FIG4: variants seen among roughly 807,000 people sequenced by gnomAD.
The protein encoded by FIG4 is FIG4 phosphoinositide 5-phosphatase, also known as polyphosphoinositide phosphatase.
A neutral mutation model predicts 118.6 loss-of-function variants in FIG4; 112 were observed. The observed-to-expected ratio is 0.94, with a 90% CI of 0.81 to 1.11. The LOEUF is 1.11. FIG4 is among the 50% of genes least tolerant of loss of function. The probability of loss-of-function intolerance (pLI) is 0.00; values close to 1 mark genes in which losing one functional copy is unlikely to be tolerated. For missense variants in FIG4, 969 were observed against 1,111.7 expected, an observed-to-expected ratio of 0.87 and a Z score of 1.83; for synonymous variants, 369 against 381.2, an observed-to-expected ratio of 0.97 and a Z score of 0.37.
At chr6:109,801,054 T>C (rs1035789647) in intron 22 of FIG4, among the ~76,000 whole-genome samples, 2 of 152,196 alleles carry the variant, frequency 1.3e-5, no homozygotes, top group African/African-American at 4.8e-5. Flanking sequence ...AGATTTTAAC[T>C]AAGCCAATCA....
rs751619327 is a variant in FIG4, at chr6:109,735,297, C to T, written c.645C>T (p.Ser215=). Residue 215 remains serine (S), a splice_region_variant and synonymous_variant, in exon 6 of 23, where the codon AGC becomes AGT. Coordinates refer to ENST00000230124, the MANE Select transcript of FIG4 (RefSeq NM_014845.6). ...EDEGLITQGG[S]GVFGICSEPY... ...AAGGATTAATTACACAAGGTGGAAG[C>T]GGTAGGTGGTCTTGATATATCTAAT... The T allele has an allele frequency of 1.2e-5, 20 of 1,612,528 alleles. No homozygotes were observed. Among genetic ancestry groups the T allele is most frequent in the East Asian group, 1.1e-4 (5 of 44,856 alleles).
chr6:109,724,882 A>T (rs1056633394), intron 3 of FIG4, among the ~76,000 whole-genome samples: 1 of 151,594 alleles, frequency 6.6e-6, no homozygotes, highest in Non-Finnish European at 1.5e-5. Flanking sequence ...ATTTACCGTC[A>T]CAATCATTTT....
intron 22 of FIG4, among the ~76,000 whole-genome samples, chr6:109,803,316 TGGG>T (rs1001057776): frequency 2.6e-5 from 4 of 152,070 alleles, no homozygotes; most frequent in African/African-American, 9.7e-5. Context: ...GAAATAGAGA[TGGG>T]GTATTCTTTT....
At chr6:109,816,495 G>C (rs1374051873) in intron 22 of FIG4, among the ~76,000 whole-genome samples, 2 of 152,156 alleles carry the variant, frequency 1.3e-5, no homozygotes, top group Non-Finnish European at 2.9e-5. Flanking sequence ...ACCAAGTATG[G>C]ACTGTAGGTA....
rs368826674 is a variant in FIG4, at chr6:109,791,364, T to C, written c.2181-12T>C. On this transcript the variant is annotated splice_polypyrimidine_tract_variant and intron_variant, in intron 19 of 22. Coordinates refer to ENST00000230124, the MANE Select transcript of FIG4 (RefSeq NM_014845.6). ...TTAAAGATGCTTCACTTCCATATTA[T>C]TCTTTTAAAAGAAACAAAAGCAATA... 6.2e-7 allele frequency: 1 copy of C among 1,609,910 alleles called. No individual in the cohort carries two copies. Among genetic ancestry groups the C allele is most frequent in the Non-Finnish European group, 8.5e-7 (1 of 1,178,514 alleles).
chr6:109,811,555 C>CT (rs1488266350), intron 22 of FIG4, among the ~76,000 whole-genome samples: 25 of 152,170 alleles, frequency 1.6e-4, no homozygotes, highest in African/African-American at 6.0e-4. Flanking sequence ...TAAGCACCTA[C>CT]TATGTGTCAG....
intron 21 of FIG4, among the ~76,000 whole-genome samples, chr6:109,794,020 G>C (rs988871878): frequency 6.6e-6 from 1 of 152,202 alleles, no homozygotes; most frequent in Non-Finnish European, 1.5e-5. Flanking sequence ...TGAATTATCT[G>C]AAGTTACTGA....
In FIG4 at chr6:109,825,132, A is replaced by G. The variant is rs539773516; in HGVS notation, c.2591A>G (p.Gln864Arg). Residue 864 changes from glutamine to arginine, a missense_variant, in exon 23 of 23, where the codon CAG becomes CGG. This residue lies in a region of FIG4 where 330 missense variants were observed against 348.1 expected (regional missense o/e 0.95). Transcript: ENST00000230124. ...TCGCAAGATAACATCTATGAAGTTCAGCCCCCAAGAGTAGACAGAAAATCT... is the reference window on the plus strand; with the variant it reads ...TCGCAAGATAACATCTATGAAGTTCGGCCCCCAAGAGTAGACAGAAAATCT... ...AFSQDNIYEV[Q>R]PPRVDRKSTE... The G allele has an allele frequency of 2.3e-5, 37 of 1,613,966 alleles. 1 individual carries two copies. In the South Asian group the frequency reaches 3.7e-4, roughly 16 times the overall value.
At chr6:109,792,051 C>A (rs1380626476) in intron 20 of FIG4, among the ~76,000 whole-genome samples, 1 of 152,228 alleles carries the variant, frequency 6.6e-6, no homozygotes, top group Non-Finnish European at 1.5e-5. Flanking sequence ...ATCCAAAACT[C>A]ATTTAGAAAT....
At chr6:109,786,029 C>T in intron 17 of FIG4, 1 of 442,988 alleles carries the variant, frequency 2.3e-6, no homozygotes, top group Non-Finnish European at 4.1e-6. Context: ...TTTAAAGAAC[C>T]TCCTCTAAAT....
In FIG4 at chr6:109,792,606, C is replaced by T; in HGVS notation, c.2401C>T (p.Leu801=). The part of the protein sequence containing the change: ...TENVVQPMKE[L]YGINLSDGLS... ...GAATGTGGTCCAACCCATGAAGGAG[C>T]TATATGGAATTAACCTCTCAGATGG... The change falls in exon 21 of 23, where the codon CTA becomes TTA. Residue 801 remains leucine, a synonymous_variant. Transcript: ENST00000230124. 2 of 1,603,384 alleles carry T rather than the reference C, an allele frequency of 1.2e-6. No homozygotes were observed. Among genetic ancestry groups the T allele is most frequent in the Non-Finnish European group, 1.7e-6 (2 of 1,171,164 alleles).
chr6:109,791,897 G>C (rs991675598), intron 20 of FIG4, among the ~76,000 whole-genome samples: 1 of 152,212 alleles, frequency 6.6e-6, no homozygotes, highest in African/African-American at 2.4e-5. Flanking sequence ...ACAGGATTTA[G>C]ACGTGGCCTT....
At chr6:109,705,955 G>A (rs1356953720) in intron 1 of FIG4, among the ~76,000 whole-genome samples, 1 of 152,146 alleles carries the variant, frequency 6.6e-6, no homozygotes, top group African/African-American at 2.4e-5. Context: ...TTTTCTATGT[G>A]CTTACCCAGA....
At chr6:109,733,794 T>C (rs1776078909) in intron 5 of FIG4, among the ~76,000 whole-genome samples, 2 of 152,062 alleles carry the variant, frequency 1.3e-5, no homozygotes, top group South Asian at 2.1e-4. Context: ...GTTTGTGAAT[T>C]ATTATTGAAG....
intron 1 of FIG4, among the ~76,000 whole-genome samples, chr6:109,697,938 G>T (rs1304786432): frequency 2.0e-5 from 3 of 151,044 alleles, no homozygotes; most frequent in Admixed American, 2.0e-4. Flanking sequence ...GCCCAGGCTG[G>T]AGTGCAATGG....
chr6:109,760,476 C>T (rs1165316166), intron 11 of FIG4, 93 bp downstream of exon 11: 2 of 1,171,766 alleles, frequency 1.7e-6, no homozygotes, highest in African/African-American at 3.0e-5. Context: ...GTAAATGTTA[C>T]CCTGTTAATT....
chr6:109,702,098 T>A (rs1342232541), intron 1 of FIG4, among the ~76,000 whole-genome samples: 3 of 152,182 alleles, frequency 2.0e-5, no homozygotes, highest in Admixed American at 2.0e-4. Flanking sequence ...ATGGTGCTCT[T>A]TACAAATAAT....
chr6:109,769,107 C>CTT (rs11419632), intron 15 of FIG4, among the ~76,000 whole-genome samples: 76 of 141,888 alleles, frequency 5.4e-4, no homozygotes, highest in Middle Eastern at 3.6e-3. Flanking sequence ...AAGTAATGTG[C>CTT]TTTTTTTTTT....
chr6:109,726,906 T>C (rs1332117250), intron 3 of FIG4, among the ~76,000 whole-genome samples: 2 of 152,142 alleles, frequency 1.3e-5, no homozygotes, highest in Non-Finnish European at 2.9e-5. Context: ...TGGCTCTGTT[T>C]AGAGTAATAT....
Sources: allele counts gnomAD v4.1 joint callset (sites outside exome capture counted in the v4.1 genomes callset), GRCh38; gene constraint gnomAD v4.1.1; regional missense constraint gnomAD v4.1.1; transcripts MANE v1.5; gene names NCBI Gene and HGNC (gene_info 2026-07-23, HGNC 2026-07-21).